SPTY2D1: variants seen among roughly 807,000 people sequenced by gnomAD.
SPTY2D1 encodes protein SPT2 homolog.
Under a neutral mutation model 64.0 loss-of-function variants are expected in SPTY2D1, and 21 were observed. The ratio of observed to expected loss-of-function variants is 0.33; its 90% CI spans 0.23 to 0.47. The LOEUF is 0.47. Ranked by LOEUF, SPTY2D1 falls within the 20% of genes least tolerant of loss-of-function variation. The probability of loss-of-function intolerance (pLI) is 1.00; values close to 1 mark genes in which losing one functional copy is unlikely to be tolerated. For missense variants in SPTY2D1, 724 were observed against 837.2 expected (o/e 0.86, Z 1.67); for synonymous variants, 287 against 286.8 (o/e 1.00, Z -0.01).
rs1192435674 is a variant in SPTY2D1 at position 18,612,863 on chromosome 11, C to T, written c.1712-375G>A. On this transcript the variant is annotated intron_variant, in intron 3 of 5. Coordinates refer to ENST00000336349, the MANE Select transcript of SPTY2D1 (RefSeq NM_194285.3). This position sits in a 1 kb window ranked among gnomAD's most constrained non-coding sequence, Gnocchi z 4.6. ...CACTGCAACCTCTGCCTCCCAGGTT[C>T]AAGCAATTCTCCTGCCTCAGCCTCC... 6.6e-6 allele frequency among the ~76,000 whole-genome samples: 1 copy of T among 151,656 alleles called. No homozygotes were observed. Among genetic ancestry groups the T allele is most frequent in the Non-Finnish European group, 1.5e-5 (1 of 67,974 alleles).
chr11:18,612,874 C>T lies in SPTY2D1; in HGVS notation c.1712-386G>A, dbSNP rs561206031. 1.3e-3 allele frequency among the ~76,000 whole-genome samples: 190 copies of T among 151,968 alleles called. No individual in the cohort carries two copies. Among genetic ancestry groups the T allele is most frequent in the Non-Finnish European group, 1.9e-3 (130 of 68,002 alleles). On this transcript the variant is annotated intron_variant, in intron 3 of 5. Coordinates refer to ENST00000336349, the MANE Select transcript of SPTY2D1 (RefSeq NM_194285.3). The surrounding 1 kb of genome is among the most constrained non-coding windows in gnomAD (Gnocchi z 4.6). ...CTGCCTCCCAGGTTCAAGCAATTCT[C>T]CTGCCTCAGCCTCCCGAGTAGCTGG...
At chr11:18,621,817 T>C (rs952135916) in intron 1 of SPTY2D1, among the ~76,000 whole-genome samples, 1 of 152,106 alleles carries the variant, frequency 6.6e-6, no homozygotes, top group African/African-American at 2.4e-5. Context: ...TCAGGCATAG[T>C]GGCTCACACC....
intron 1 of SPTY2D1, among the ~76,000 whole-genome samples, chr11:18,622,628 T>G (rs1854431723): frequency 6.6e-6 from 1 of 152,086 alleles, no homozygotes; most frequent in Non-Finnish European, 1.5e-5. Context: ...TTAAACATGG[T>G]AGCATGGGAT....
chr11:18,625,779 G>A (rs1311782179), intron 1 of SPTY2D1, among the ~76,000 whole-genome samples: 1 of 149,272 alleles, frequency 6.7e-6, no homozygotes, highest in Non-Finnish European at 1.5e-5. Context: ...TCACTTTGTT[G>A]CCCATGATGG....
At chr11:18,611,163 T>C (rs985098423) in intron 5 of SPTY2D1, among the ~76,000 whole-genome samples, 38 of 151,932 alleles carry the variant, frequency 2.5e-4, no homozygotes, top group Non-Finnish European at 2.5e-4. Context: ...ACAGTGATGG[T>C]CCAGTGCAGT....
chr11:18,626,256 C>T (rs1381948272), intron 1 of SPTY2D1, among the ~76,000 whole-genome samples: 2 of 152,138 alleles, frequency 1.3e-5, no homozygotes, highest in Non-Finnish European at 2.9e-5. Context: ...CTATCTTATC[C>T]TCCCTCACCT....
Position 18,612,541 on chromosome 11 carries a change from G to A in SPTY2D1, c.1712-53C>T. 1 of 1,445,692 alleles carries A rather than the reference G, an allele frequency of 6.9e-7. No individual in the cohort carries two copies. The highest frequency in any genetic ancestry group is 9.2e-7 in the Non-Finnish European group (1 of 1,084,522). The allele number at this position is 1,445,692 out of a possible 1,614,324, so 89.6% of individuals were successfully genotyped here. On this transcript the variant is annotated intron_variant, in intron 3 of 5. Transcript: ENST00000336349. The surrounding 1 kb of genome is among the most constrained non-coding windows in gnomAD (Gnocchi z 4.6). The stretch of plus-strand genomic sequence containing the variant: ...TACAATTTAAAATAGTTCCAATGCA[G>A]TTCTATGTAAACTGAAATTGTGAGT...
chr11:18,613,248 G>A (rs1392409569), intron 3 of SPTY2D1, among the ~76,000 whole-genome samples: 1 of 152,188 alleles, frequency 6.6e-6, no homozygotes, highest in East Asian at 1.9e-4. Flanking sequence ...AAGTTTGACT[G>A]TAGGAAAAAC....
chr11:18,625,785 G>A (rs981801765), intron 1 of SPTY2D1, among the ~76,000 whole-genome samples: 6 of 149,932 alleles, frequency 4.0e-5, no homozygotes, highest in African/African-American at 7.4e-5. Context: ...TGTTGCCCAT[G>A]ATGGTCACTT....
At chr11:18,632,115 C>T (rs758934682) in intron 1 of SPTY2D1, among the ~76,000 whole-genome samples, 2 of 151,580 alleles carry the variant, frequency 1.3e-5, no homozygotes, top group African/African-American at 4.9e-5. Flanking sequence ...CACTGCACTC[C>T]AGCCTCCAGC....
At position 18,614,785 on chromosome 11, in the gene SPTY2D1, T is replaced by G. The variant is rs1419779813; in HGVS notation, c.1489A>C (p.Ser497Arg). 2 of 1,612,886 alleles carry G rather than the reference T, an allele frequency of 1.2e-6. No homozygotes were observed. Among genetic ancestry groups the G allele is most frequent in the Admixed American group, 1.7e-5 (1 of 59,936 alleles). ...GTCCGTCCAGCTGGAATTGAGCCAC[T>G]TATGGATCTCCCAGGGCCACTGACA... Reference protein sequence around the residue: ...RSVSGPGRSISGSIPAGRTVS... With the variant: ...RSVSGPGRSIRGSIPAGRTVS... Residue 497 changes from serine to arginine, a missense_variant, in exon 3 of 6, where the codon AGT becomes CGT. Ser to Arg is a moderately radical substitution (Grantham distance 110). This residue lies in a region of SPTY2D1 where 426 missense variants were observed against 431.8 expected (regional missense o/e 0.99). Coordinates refer to ENST00000336349, the MANE Select transcript of SPTY2D1 (RefSeq NM_194285.3).
At chr11:18,611,015 C>G (rs1854197974) in intron 5 of SPTY2D1, among the ~76,000 whole-genome samples, 1 of 152,168 alleles carries the variant, frequency 6.6e-6, no homozygotes, top group Admixed American at 6.5e-5. Context: ...AGAAAATAGG[C>G]TGGGCATGGT....
Position 18,612,576 on chromosome 11 carries a change from G to A in SPTY2D1, c.1712-88C>T, listed in dbSNP as rs1590399657. 8.2e-7 allele frequency: 1 copy of A among 1,217,464 alleles called. No individual in the cohort carries two copies. The highest frequency in any genetic ancestry group is 2.6e-5 in the East Asian group (1 of 37,832). 75.4% of individuals were successfully genotyped at this position (1,217,464 alleles called of 1,614,324 possible). On this transcript the variant is annotated intron_variant, in intron 3 of 5. Transcript: ENST00000336349. The surrounding 1 kb of genome is among the most constrained non-coding windows in gnomAD (Gnocchi z 4.6). ...AACTGAAATTGTGAGTCATCATTAAGATGGTATCCTTTAAAACCAGAGCAA... is the reference window on the plus strand; with the variant it reads ...AACTGAAATTGTGAGTCATCATTAAAATGGTATCCTTTAAAACCAGAGCAA...
intron 1 of SPTY2D1, among the ~76,000 whole-genome samples, chr11:18,625,502 G>C (rs1854480573): frequency 6.6e-6 from 1 of 152,080 alleles, no homozygotes; most frequent in Admixed American, 6.6e-5. Flanking sequence ...GTCTGAATTA[G>C]AATCCAGATC....
intron 1 of SPTY2D1, among the ~76,000 whole-genome samples, chr11:18,623,647 A>T (rs1240523384): frequency 1.3e-5 from 2 of 152,220 alleles, no homozygotes; most frequent in African/African-American, 2.4e-5. Context: ...GCAAAACCCG[A>T]GGCTTCTAAG....
At chr11:18,630,432 G>A (rs980162547) in intron 1 of SPTY2D1, among the ~76,000 whole-genome samples, 24 of 152,128 alleles carry the variant, frequency 1.6e-4, no homozygotes, top group African/African-American at 3.9e-4. Flanking sequence ...CAGAGATAGC[G>A]CCACTGCACT....
Position 18,615,123 on chromosome 11 carries a change from G to A in SPTY2D1, c.1151C>T (p.Thr384Ile), listed in dbSNP as rs555213520. The A allele has an allele frequency of 5.0e-6, 8 of 1,614,094 alleles. No homozygotes were observed. The highest frequency in any genetic ancestry group is 1.7e-5 in the Admixed American group (1 of 60,014). Residue 384 changes from threonine (T) to isoleucine (I), a missense_variant, in exon 3 of 6, where the codon ACA becomes ATA. Transcript: ENST00000336349. ...ACTAACTGTGGGTCGAGCAACCCCTGTGCTGGGCTGCCCAGGGGCTGAGCT... is the reference window on the plus strand; with the variant it reads ...ACTAACTGTGGGTCGAGCAACCCCTATGCTGGGCTGCCCAGGGGCTGAGCT... The part of the protein sequence containing the change: ...SSSSAPGQPS[T>I]GVARPTVSSG...
intron 1 of SPTY2D1, among the ~76,000 whole-genome samples, chr11:18,621,300 G>A (rs552273011): frequency 4.1e-4 from 58 of 141,016 alleles, no homozygotes; most frequent in African/African-American, 1.5e-3. Context: ...TGGGTGAGAA[G>A]AGTGAAACTC....
At chr11:18,629,701 G>A (rs193016301) in intron 1 of SPTY2D1, among the ~76,000 whole-genome samples, 3 of 152,222 alleles carry the variant, frequency 2.0e-5, no homozygotes, top group African/African-American at 7.2e-5. Context: ...ACCTTGATCA[G>A]CAGTTATTAT....
Sources: allele counts gnomAD v4.1 joint callset (sites outside exome capture counted in the v4.1 genomes callset), GRCh38; gene constraint gnomAD v4.1.1; regional missense constraint gnomAD v4.1.1; non-coding constraint Gnocchi (gnomAD v3.1); transcripts MANE v1.5; gene names NCBI Gene and HGNC (gene_info 2026-07-23, HGNC 2026-07-21).